The following CCDC175 variants were observed in gnomAD, a reference collection of about 807,000 sequenced individuals.
CCDC175 encodes the protein coiled-coil domain-containing protein 175.
Under a neutral mutation model 114.6 loss-of-function variants are expected in CCDC175, and 100 were observed. The observed-to-expected ratio is 0.87, with a 90% CI of 0.74 to 1.03. CCDC175 has a LOEUF of 1.03. Ranked by LOEUF, CCDC175 falls within the 50% of genes least tolerant of loss-of-function variation. CCDC175 has a pLI of 0.00. For missense variants in CCDC175, 880 were observed against 917.8 expected, an observed-to-expected ratio of 0.96 and a Z score of 0.53; for synonymous variants, 306 against 308.7, an observed-to-expected ratio of 0.99 and a Z score of 0.09.
chr14:59,548,341 T>C (rs1211789962), intron 8 of CCDC175, among the ~76,000 whole-genome samples: 1 of 152,154 alleles, frequency 6.6e-6, no homozygotes, highest in Non-Finnish European at 1.5e-5. Context: ...TTGAGTTGAA[T>C]GTCAATCTTT....
At chr14:59,571,434 T>A (rs570797301) in intron 3 of CCDC175, among the ~76,000 whole-genome samples, 1 of 152,082 alleles carries the variant, frequency 6.6e-6, no homozygotes, top group South Asian at 2.1e-4. Context: ...AAGAACCTGA[T>A]TAAAAGATGG....
At chr14:59,527,748 T>C (rs1893835120) in intron 14 of CCDC175, among the ~76,000 whole-genome samples, 1 of 152,158 alleles carries the variant, frequency 6.6e-6, no homozygotes, top group African/African-American at 2.4e-5. Context: ...CCTTTCAAAT[T>C]TTATTTCACA....
chr14:59,532,175 A>C (rs575580398), intron 13 of CCDC175, among the ~76,000 whole-genome samples: 1 of 152,352 alleles, frequency 6.6e-6, no homozygotes, highest in African/African-American at 2.4e-5. Flanking sequence ...CTCTTCTGCT[A>C]TATCTCTATG....
Position 59,540,696 on chromosome 14 carries a change from A to G in CCDC175, c.1334T>C (p.Leu445Pro). The change falls in exon 11 of 20, where the codon CTG (leucine) becomes CCG (proline). Residue 445 changes from leucine to proline, a missense_variant. Coordinates refer to ENST00000537690, the MANE Select transcript of CCDC175 (RefSeq NM_001164399.2). ...TTACCATCTCTGACTTTCTCTTTCC[A>G]GGTTAGCACTCAGGATTTTGATTTG... The part of the protein sequence containing the change: ...QQQIKILSAN[L>P]ERESQRCVIT... The G allele has an allele frequency of 8.1e-7, 1 of 1,233,956 alleles. No homozygotes were observed. Among genetic ancestry groups the G allele is most frequent in the Admixed American group, 2.6e-5 (1 of 38,212 alleles). The allele number at this position is 1,233,956 out of a possible 1,614,324, so 76.4% of individuals were successfully genotyped here. A position where few individuals can be genotyped will look rare whatever the true frequency, so the allele number is the denominator to read the frequency against.
At chr14:59,521,080 G>A (rs898241229) in intron 17 of CCDC175, among the ~76,000 whole-genome samples, 1 of 152,186 alleles carries the variant, frequency 6.6e-6, no homozygotes, top group Non-Finnish European at 1.5e-5. Context: ...GCAAAGTACT[G>A]TTCCTGGGTA....
At chr14:59,536,615 G>A (rs1014471741) in intron 13 of CCDC175, among the ~76,000 whole-genome samples, 2 of 150,872 alleles carry the variant, frequency 1.3e-5, no homozygotes, top group Admixed American at 6.6e-5. Context: ...TCTTTCCTTC[G>A]TTTGTTCCCC....
chr14:59,529,020 C>A (rs1893912089), intron 14 of CCDC175, among the ~76,000 whole-genome samples: 1 of 152,186 alleles, frequency 6.6e-6, no homozygotes, highest in African/African-American at 2.4e-5. Flanking sequence ...TTCTCTTTCA[C>A]ACTGGATGCT....
At position 59,526,568 on chromosome 14, in the gene CCDC175, A is replaced by G. The variant is rs112862537; in HGVS notation, c.1842+527T>C. Among the ~76,000 whole-genome samples the G allele has an allele frequency of 2.1e-3, 320 of 151,990 alleles. 1 individual carries two copies. Among genetic ancestry groups the G allele is most frequent in the African/African-American group, 6.9e-3 (287 of 41,428 alleles). ...GAGACTCCATCTCAAAAAAAAAAAA[A>G]AGTTACATTTTGATATCAATGCATC... On this transcript the variant is annotated intron_variant, in intron 15 of 19. Transcript: ENST00000537690.
intron 5 of CCDC175, 54 bp downstream of exon 5, chr14:59,564,993 C>G (rs116628860): frequency 1.9e-5 from 25 of 1,284,864 alleles, no homozygotes; most frequent in Non-Finnish European, 2.6e-5. Context: ...TTCCCATTTC[C>G]TGCTCCAGAT....
At chr14:59,548,821 A>G (rs1895270964) in intron 8 of CCDC175, among the ~76,000 whole-genome samples, 1 of 152,206 alleles carries the variant, frequency 6.6e-6, no homozygotes, top group South Asian at 2.1e-4. Flanking sequence ...AAAAATGGAA[A>G]GCATTTAATT....
At chr14:59,535,274 C>A (rs1595018823) in intron 13 of CCDC175, among the ~76,000 whole-genome samples, 1 of 152,274 alleles carries the variant, frequency 6.6e-6, no homozygotes, top group African/African-American at 2.4e-5. Context: ...CGAGTGCAGG[C>A]TGGAGGCTTG....
intron 7 of CCDC175, among the ~76,000 whole-genome samples, chr14:59,558,972 T>C (rs1258988220): frequency 6.6e-6 from 1 of 152,004 alleles, no homozygotes; most frequent in African/African-American, 2.4e-5. Flanking sequence ...GGAAGCTAAG[T>C]GAAGGAAGTA....
intron 10 of CCDC175, among the ~76,000 whole-genome samples, chr14:59,541,738 TA>T (rs1339773511): frequency 6.6e-6 from 1 of 152,088 alleles, no homozygotes; most frequent in Non-Finnish European, 1.5e-5. Context: ...AACAATAATA[TA>T]AAAAAATCCT....
At chr14:59,510,039 G>A (rs1316177353) in intron 19 of CCDC175, among the ~76,000 whole-genome samples, 1 of 151,982 alleles carries the variant, frequency 6.6e-6, no homozygotes, top group Admixed American at 6.6e-5. Flanking sequence ...TCTGTCACTG[G>A]GACCTCTGGG....
intron 2 of CCDC175, 73 bp from the exon 3 acceptor site, chr14:59,572,886 T>C: frequency 1.2e-6 from 1 of 829,418 alleles, no homozygotes; most frequent in Non-Finnish European, 1.8e-6. Context: ...AACAATGCCC[T>C]ACAAATGTTT....
At position 59,538,120 on chromosome 14, in the gene CCDC175, A is replaced by G. The variant is rs1894523706; in HGVS notation, c.1526T>C (p.Val509Ala). 1 of 1,535,168 alleles carries G rather than the reference A, an allele frequency of 6.5e-7. No homozygotes were observed. The highest frequency in any genetic ancestry group is 2.0e-5 in the Admixed American group (1 of 50,968). ...TGTTGTAAGTTTTTCAATCTGTGCC[A>G]CAAATCCACTGATCTCCTGTTGTCT... ...SFRQQEISGF[V>A]AQIEKLTTEL... Residue 509 changes from valine (V) to alanine (A), a missense_variant, in exon 13 of 20, where the codon GTG (valine) becomes GCG (alanine). Coordinates refer to ENST00000537690, the MANE Select transcript of CCDC175 (RefSeq NM_001164399.2).
At position 59,568,256 on chromosome 14, in the gene CCDC175, A is replaced by C. The variant is rs1215353352; in HGVS notation, c.480T>G (p.Asn160Lys). Residue 160 changes from asparagine to lysine, a missense_variant, in exon 4 of 20, where the codon AAT becomes AAG. Asn to Lys is a moderately conservative substitution (Grantham distance 94). Coordinates refer to ENST00000537690, the MANE Select transcript of CCDC175 (RefSeq NM_001164399.2). ...KKKITDLTKY[N>K]EALGEKQEEL... Reference sequence around the variant, plus strand: ...ATAAGAATACCTACCCCAGAGCTTCATTATATTTTGTCAGGTCAGTTATTT... The same window carrying C: ...ATAAGAATACCTACCCCAGAGCTTCCTTATATTTTGTCAGGTCAGTTATTT... 6.5e-7 allele frequency: 1 copy of C among 1,529,486 alleles called. No homozygotes were observed. The highest frequency in any genetic ancestry group is 8.7e-7 in the Non-Finnish European group (1 of 1,145,184). 94.7% of individuals were successfully genotyped at this position (1,529,486 alleles called of 1,614,324 possible).
At position 59,505,145 on chromosome 14, in the gene CCDC175, G is replaced by C. The variant is rs911117144; in HGVS notation, c.*94C>G. The C allele has an allele frequency of 3.9e-6, 2 of 518,364 alleles. No homozygotes were observed. The highest frequency in any genetic ancestry group is 3.2e-6 in the Non-Finnish European group (1 of 308,152). The allele number at this position is 518,364 out of a possible 1,614,324, so 32.1% of individuals were successfully genotyped here. ...AATTAGTTAAATTTTAAATGTTTAA[G>C]ACTTCTATTAACAGCTGCAAAATAT... is the stretch of plus-strand genomic sequence containing the variant. On this transcript the variant is annotated 3_prime_UTR_variant, in exon 20 of 20. Transcript: ENST00000537690.
rs566744924 is a variant in CCDC175, at chr14:59,557,176, T to C, written c.953+3943A>G. 1.4e-4 allele frequency among the ~76,000 whole-genome samples: 22 copies of C among 152,256 alleles called. No homozygotes were observed. In the East Asian group the frequency reaches 3.1e-3, roughly 21 times the overall value. On this transcript the variant is annotated intron_variant, in intron 7 of 19. Transcript: ENST00000537690. ...AAAGACACACGCACACGTATGTTTA[T>C]TGCGGCACTATTCACAATAGCAAAG...
Sources: gnomAD v4.1 joint callset for allele counts (sites outside exome capture counted in the v4.1 genomes callset) on GRCh38, gnomAD v4.1.1 for gene constraint, MANE v1.5 for transcripts, NCBI Gene and HGNC (gene_info 2026-07-23, HGNC 2026-07-21) for gene names.